JAKMIP2: variants seen among roughly 807,000 people sequenced by gnomAD.
JAKMIP2 encodes janus kinase and microtubule interacting protein 2, also known as janus kinase and microtubule-interacting protein 2.
JAKMIP2 carries 25 observed loss-of-function variants against 115.0 expected under a neutral mutation model. That is an observed-to-expected ratio of 0.22 (90% CI 0.16 to 0.30). JAKMIP2 has a LOEUF of 0.30. JAKMIP2 is among the 10% of genes least tolerant of loss of function. The probability of loss-of-function intolerance (pLI) is 1.00; values close to 1 mark genes in which losing one functional copy is unlikely to be tolerated. For synonymous variants in JAKMIP2, 334 were observed against 343.6 expected (o/e 0.97, Z 0.31); for missense variants, 642 against 957.6 (o/e 0.67, Z 4.35).
At chr5:147,602,545 A>G (rs946661999) in intron 20 of JAKMIP2, among the ~76,000 whole-genome samples, 9 of 152,218 alleles carry the variant, frequency 5.9e-5, no homozygotes, top group Non-Finnish European at 1.3e-4. Context: ...TATTTGAGTC[A>G]TGGAAGTTAA....
chr5:147,612,889 T>C (rs929635262), intron 19 of JAKMIP2, among the ~76,000 whole-genome samples: 2 of 152,234 alleles, frequency 1.3e-5, no homozygotes, highest in Admixed American at 1.3e-4. Context: ...CCAATTGTTC[T>C]TTCTTAACCT....
intron 1 of JAKMIP2, among the ~76,000 whole-genome samples, chr5:147,781,054 T>C (rs1755738941): frequency 6.6e-6 from 1 of 152,106 alleles, no homozygotes; most frequent in African/African-American, 2.4e-5. Context: ...CTTGACATAA[T>C]AAAAGGTCAA....
chr5:147,683,837 TAAGTAA>T (rs1428251545), intron 1 of JAKMIP2, among the ~76,000 whole-genome samples: 1 of 152,218 alleles, frequency 6.6e-6, no homozygotes, highest in Non-Finnish European at 1.5e-5. Context: ...TAATATTACT[TAAGTAA>T]AAGTACATGA....
In JAKMIP2 at chr5:147,760,653, T is replaced by C. The variant is rs1004762959; in HGVS notation, c.-149+21803A>G. Among the ~76,000 whole-genome samples the C allele has an allele frequency of 2.0e-5, 3 of 152,100 alleles. No homozygotes were observed. In the South Asian group the frequency reaches 6.2e-4, roughly 31 times the overall value. The stretch of plus-strand genomic sequence containing the variant: ...GTGGATAAAGTGTGTGGTGAGTAGG[T>C]GTAGACAGCTTTGAGAGAAGACTTT... On this transcript the variant is annotated intron_variant, in intron 1 of 21. Coordinates refer to ENST00000616793, the MANE Select transcript of JAKMIP2 (RefSeq NM_001270941.2).
chr5:147,715,334 A>T (rs1336797328), intron 1 of JAKMIP2, among the ~76,000 whole-genome samples: 3 of 151,936 alleles, frequency 2.0e-5, no homozygotes, highest in Non-Finnish European at 4.4e-5. Context: ...TAGATAAATG[A>T]AATATACCAA....
At chr5:147,763,157 T>A (rs1021278872) in intron 1 of JAKMIP2, among the ~76,000 whole-genome samples, 1 of 152,058 alleles carries the variant, frequency 6.6e-6, no homozygotes, top group Non-Finnish European at 1.5e-5. Flanking sequence ...CTGAGTTCCA[T>A]ATGAATTTTG....
At chr5:147,592,353 G>T (rs927309480) in intron 21 of JAKMIP2, among the ~76,000 whole-genome samples, 1 of 152,096 alleles carries the variant, frequency 6.6e-6, no homozygotes, top group Non-Finnish European at 1.5e-5. Context: ...TCCACCTAAA[G>T]TCCTGATTGA....
intron 3 of JAKMIP2, among the ~76,000 whole-genome samples, chr5:147,655,431 G>A (rs922653555): frequency 7.2e-5 from 11 of 152,174 alleles, no homozygotes; most frequent in Non-Finnish European, 1.5e-4. Context: ...AGTCTTGGGA[G>A]GGTGTAAGTG....
intron 1 of JAKMIP2, among the ~76,000 whole-genome samples, chr5:147,744,545 A>G (rs976207003): frequency 1.3e-5 from 2 of 152,382 alleles, no homozygotes; most frequent in African/African-American, 4.8e-5. Flanking sequence ...ACCCATTAAT[A>G]CTGTTTTAAA....
intron 1 of JAKMIP2, among the ~76,000 whole-genome samples, chr5:147,721,366 G>C (rs1465352929): frequency 2.6e-5 from 4 of 152,228 alleles, no homozygotes; most frequent in Non-Finnish European, 5.9e-5. Context: ...TTGAGCTGTG[G>C]TGGGCTCCGC....
intron 20 of JAKMIP2, among the ~76,000 whole-genome samples, chr5:147,610,113 T>A (rs574746290): frequency 2.0e-5 from 3 of 152,216 alleles, no homozygotes; most frequent in Non-Finnish European, 2.9e-5. Context: ...CTTCCTTACA[T>A]TGGGTTATAA....
At chr5:147,688,060 T>C (rs1232313976) in intron 1 of JAKMIP2, among the ~76,000 whole-genome samples, 1 of 152,180 alleles carries the variant, frequency 6.6e-6, no homozygotes, top group Non-Finnish European at 1.5e-5. Flanking sequence ...GTCTTTCTCT[T>C]AGGACCAGAA....
At chr5:147,599,271 T>G (rs370858783) in intron 21 of JAKMIP2, among the ~76,000 whole-genome samples, 2 of 152,186 alleles carry the variant, frequency 1.3e-5, no homozygotes, top group African/African-American at 4.8e-5. Flanking sequence ...CACAACACCC[T>G]GCTGTAGGTA....
chr5:147,597,903 T>C (rs905725146), intron 21 of JAKMIP2, among the ~76,000 whole-genome samples: 5 of 152,108 alleles, frequency 3.3e-5, no homozygotes, highest in African/African-American at 1.2e-4. Context: ...CTCTGGGACT[T>C]GCACCAGCAG....
chr5:147,782,664 G>GGCAGCAGCA lies in JAKMIP2; in HGVS notation c.-366_-358dup, dbSNP rs3840518. ...TATCAGCAATAGAGGCGGCGGCGGC[G>GGCAGCAGCA]GCAGCAGCAGCAGCAGCAGCATCAC... On this transcript the variant is annotated 5_prime_UTR_variant, in exon 1 of 22. Transcript: ENST00000616793. 790 of 636,762 alleles carry GGCAGCAGCA rather than the reference G, an allele frequency of 1.2e-3. 8 individuals carry two copies. In the East Asian group the frequency reaches 0.017, roughly 13 times the overall value. The allele number at this position is 636,762 out of a possible 1,614,324, so 39.4% of individuals were successfully genotyped here. A position where few individuals can be genotyped will look rare whatever the true frequency, so the allele number is the denominator to read the frequency against.
At chr5:147,710,213 TG>T (rs1417089504) in intron 1 of JAKMIP2, among the ~76,000 whole-genome samples, 1 of 152,158 alleles carries the variant, frequency 6.6e-6, no homozygotes, top group African/African-American at 2.4e-5. Flanking sequence ...AATTACAGGG[TG>T]GATTTAGTTA....
At chr5:147,593,733 A>T (rs1561835619) in intron 21 of JAKMIP2, among the ~76,000 whole-genome samples, 3 of 152,226 alleles carry the variant, frequency 2.0e-5, no homozygotes, top group Non-Finnish European at 4.4e-5. Flanking sequence ...CTGAGTGAAG[A>T]AAGCTATGAT....
At chr5:147,734,470 G>C (rs1285060288) in intron 1 of JAKMIP2, among the ~76,000 whole-genome samples, 1 of 148,882 alleles carries the variant, frequency 6.7e-6, no homozygotes, top group African/African-American at 2.5e-5. Flanking sequence ...TATGGACAGA[G>C]GGGGGAACAT....
chr5:147,748,353 C>T (rs926492366), intron 1 of JAKMIP2, among the ~76,000 whole-genome samples: 1 of 152,004 alleles, frequency 6.6e-6, no homozygotes, highest in Non-Finnish European at 1.5e-5. Context: ...TATAGTACCT[C>T]ACAATATGCT....
Sources: gnomAD v4.1 joint callset for allele counts (sites outside exome capture counted in the v4.1 genomes callset) on GRCh38, gnomAD v4.1.1 for gene constraint, MANE v1.5 for transcripts, NCBI Gene and HGNC (gene_info 2026-07-23, HGNC 2026-07-21) for gene names.